Variants in MALT1 observed in about 807,000 individuals in gnomAD.
The protein encoded by MALT1 is mucosa-associated lymphoid tissue lymphoma translocation protein 1.
MALT1 carries 36 observed loss-of-function variants against 85.5 expected under a neutral mutation model. The observed-to-expected ratio is 0.42, with a 90% CI of 0.32 to 0.56. MALT1 has a LOEUF of 0.56. MALT1 is among the 20% of genes least tolerant of loss of function. The pLI is 0.10. For missense variants in MALT1, 716 were observed against 981.6 expected, an observed-to-expected ratio of 0.73 and a Z score of 3.62; for synonymous variants, 359 against 361.3, an observed-to-expected ratio of 0.99 and a Z score of 0.07.
rs968501048 is a variant in MALT1 at position 58,751,699 on chromosome 18, A to T, written c.*3857A>T. ...TAATCTATCAAATCTGTCAATACCA[A>T]TTAGAATGTAATAAAGAAATTAGGA... On this transcript the variant is annotated 3_prime_UTR_variant, in exon 17 of 17. Coordinates refer to ENST00000649217, the MANE Select transcript of MALT1 (RefSeq NM_006785.4). 6.6e-6 allele frequency: 1 copy of T among 152,242 alleles called. No individual in the cohort carries two copies. The highest frequency in any genetic ancestry group is 1.5e-5 in the Non-Finnish European group (1 of 68,042). The allele number at this position is 152,242 out of a possible 1,614,324, so 9.4% of individuals were successfully genotyped here.
intron 1 of MALT1, among the ~76,000 whole-genome samples, chr18:58,678,506 G>A (rs981504145): frequency 6.6e-6 from 1 of 152,018 alleles, no homozygotes; most frequent in Admixed American, 6.6e-5. Context: ...TGGGGTTTCT[G>A]TTTTCAAGGA....
chr18:58,703,271 C>T lies in MALT1; in HGVS notation c.649+2680C>T, dbSNP rs568065892. Among the ~76,000 whole-genome samples, 47 of 152,132 alleles carry T rather than the reference C, an allele frequency of 3.1e-4. No homozygotes were observed. The East Asian group carries it at 8.9e-3, about 29-fold the overall frequency. On this transcript the variant is annotated intron_variant, in intron 4 of 16. Coordinates refer to ENST00000649217, the MANE Select transcript of MALT1 (RefSeq NM_006785.4). ...ACTCAGGAGGCTGAGGCAGTAGAAT[C>T]GCTTGAACCCAGGGGGCGGAGGTTG...
intron 8 of MALT1, among the ~76,000 whole-genome samples, chr18:58,714,503 T>G (rs1602314523): frequency 6.6e-6 from 1 of 152,318 alleles, no homozygotes; most frequent in African/African-American, 2.4e-5. Context: ...GACCTTTTTC[T>G]TGGTGCCTCA....
chr18:58,709,581 T>C (rs761557477), intron 5 of MALT1, 25 bp downstream of exon 5: 35 of 1,563,616 alleles, frequency 2.2e-5, no homozygotes, highest in Non-Finnish European at 3.0e-5. Flanking sequence ...TTGGGGTCTT[T>C]TGGGGGAGTT....
intron 4 of MALT1, among the ~76,000 whole-genome samples, chr18:58,708,891 T>C: frequency 6.6e-6 from 1 of 152,236 alleles, no homozygotes; most frequent in East Asian, 1.9e-4. Flanking sequence ...GTCTAATATC[T>C]GCCTGGGGTA....
At chr18:58,717,493 G>A (rs1378440148) in intron 9 of MALT1, among the ~76,000 whole-genome samples, 1 of 152,174 alleles carries the variant, frequency 6.6e-6, no homozygotes, top group Non-Finnish European at 1.5e-5. Context: ...AAGTGAATGT[G>A]TATTGAGAGT....
Position 58,747,870 on chromosome 18 carries a change from T to A in MALT1, c.*28T>A, listed in dbSNP as rs2055392586. ...TCCTTGTTTTTGAAAGTTAGCATAA[T>A]TTTAGATGCCTGTGAAATAGTACTG... On this transcript the variant is annotated 3_prime_UTR_variant, in exon 17 of 17. Coordinates refer to ENST00000649217, the MANE Select transcript of MALT1 (RefSeq NM_006785.4). 6.4e-7 allele frequency: 1 copy of A among 1,569,814 alleles called. No individual in the cohort carries two copies. Among genetic ancestry groups the A allele is most frequent in the African/African-American group, 1.4e-5 (1 of 73,904 alleles).
chr18:58,712,388 A>AT (rs2054842621), intron 7 of MALT1, among the ~76,000 whole-genome samples: 1 of 152,212 alleles, frequency 6.6e-6, no homozygotes, highest in African/African-American at 2.4e-5. Flanking sequence ...AAGGAATGAA[A>AT]TGATGTCACT....
chr18:58,738,786 C>CT lies in MALT1; in HGVS notation c.1604-3077dup, dbSNP rs200949550. 2.7e-3 allele frequency among the ~76,000 whole-genome samples: 265 copies of CT among 97,764 alleles called. 5 individuals are homozygous for CT. In the East Asian group the frequency reaches 0.096, roughly 35 times the overall value. The allele number at this position is 97,764 out of a possible 152,430, so 64.1% of individuals were successfully genotyped here. On this transcript the variant is annotated intron_variant, in intron 13 of 16. Coordinates refer to ENST00000649217, the MANE Select transcript of MALT1 (RefSeq NM_006785.4). ...CATCTTTTTATGTCATTTGTGCATT[C>CT]TTCTGTGTGTGTGTGTGTGTGTGTG... is the stretch of plus-strand genomic sequence containing the variant.
chr18:58,678,383 T>C (rs2054271851), intron 1 of MALT1, among the ~76,000 whole-genome samples: 1 of 152,232 alleles, frequency 6.6e-6, no homozygotes, highest in African/African-American at 2.4e-5. Flanking sequence ...TGAAATTCAT[T>C]CAGTAATCAT....
intron 13 of MALT1, among the ~76,000 whole-genome samples, chr18:58,736,585 A>G (rs1602337378): frequency 6.6e-6 from 1 of 152,370 alleles, no homozygotes; most frequent in African/African-American, 2.4e-5. Context: ...AAAACTTAAT[A>G]AAAAGCACCA....
At chr18:58,701,068 C>A (rs1046413448) in intron 4 of MALT1, among the ~76,000 whole-genome samples, 5 of 152,160 alleles carry the variant, frequency 3.3e-5, no homozygotes, top group Admixed American at 2.0e-4. Flanking sequence ...GCTGGGATTA[C>A]AGGTGTGAGC....
intron 10 of MALT1, among the ~76,000 whole-genome samples, chr18:58,730,526 A>T (rs2055133577): frequency 6.7e-6 from 1 of 149,794 alleles, no homozygotes; most frequent in African/African-American, 2.5e-5. Context: ...ATATGATTAT[A>T]TTTTGTTTAT....
chr18:58,737,490 A>G lies in MALT1; in HGVS notation c.1603+2161A>G, dbSNP rs576752973. 3.0e-3 allele frequency among the ~76,000 whole-genome samples: 453 copies of G among 152,260 alleles called. 3 individuals are homozygous for G. Among genetic ancestry groups the G allele is most frequent in the Non-Finnish European group, 4.1e-3 (281 of 68,014 alleles). Reference sequence around the variant, plus strand: ...AGCAAGCCCCATCTCAAAAAAAAAAAAAAAGAAAATTCCAGAGGGAGAAAA... The same window carrying G: ...AGCAAGCCCCATCTCAAAAAAAAAAGAAAAGAAAATTCCAGAGGGAGAAAA... On this transcript the variant is annotated intron_variant, in intron 13 of 16. Transcript: ENST00000649217.
At chr18:58,696,618 T>C (rs558322216) in intron 3 of MALT1, 131 bp downstream of exon 3, 2 of 647,266 alleles carry the variant, frequency 3.1e-6, no homozygotes, top group African/African-American at 3.8e-5. Flanking sequence ...AGGTTATTAC[T>C]GAAGTAGTCA....
intron 16 of MALT1, among the ~76,000 whole-genome samples, chr18:58,746,039 CAG>C (rs1353171596): frequency 1.2e-4 from 19 of 152,016 alleles, no homozygotes; most frequent in Admixed American, 9.8e-4. Context: ...TTTTTAGAGA[CAG>C]AGTCTTAACT....
At position 58,700,335 on chromosome 18, in the gene MALT1, T is replaced by G. The variant is rs577919192; in HGVS notation, c.499-106T>G. 5 of 800,106 alleles carry G rather than the reference T, an allele frequency of 6.2e-6. No homozygotes were observed. The South Asian group carries it at 1.3e-4, about 20-fold the overall frequency. 49.6% of individuals were successfully genotyped at this position (800,106 alleles called of 1,614,324 possible). A position where few individuals can be genotyped will look rare whatever the true frequency, so the allele number is the denominator to read the frequency against. On this transcript the variant is annotated intron_variant, in intron 3 of 16. Coordinates refer to ENST00000649217, the MANE Select transcript of MALT1 (RefSeq NM_006785.4). ...AATGTTTTAGAACTTGGGGGAAAAATGTTGCACTTTCAAAGCTTCATACTG... is the reference window on the plus strand; with the variant it reads ...AATGTTTTAGAACTTGGGGGAAAAAGGTTGCACTTTCAAAGCTTCATACTG...
At chr18:58,738,788 TCTG>T (rs145670748) in intron 13 of MALT1, among the ~76,000 whole-genome samples, 19,750 of 120,640 alleles carry the variant, frequency 0.16, 2,330 homozygotes, top group African/African-American at 0.33. Flanking sequence ...TGTGCATTCT[TCTG>T]TGTGTGTGTG....
rs117643733 is a variant in MALT1 at position 58,725,744 on chromosome 18, A to G, written c.1222+2493A>G. On this transcript the variant is annotated intron_variant, in intron 10 of 16. Transcript: ENST00000649217. ...ATTGATATTTTCACCTTGGCTTTTA[A>G]GCCCTTTGTTTGACTTTTAAAACCA... Among the ~76,000 whole-genome samples the G allele has an allele frequency of 5.3e-3, 805 of 152,314 alleles. 6 individuals are homozygous for G. The highest frequency in any genetic ancestry group is 8.3e-3 in the Non-Finnish European group (565 of 68,020).
Sources: gnomAD v4.1 joint callset for allele counts (sites outside exome capture counted in the v4.1 genomes callset) on GRCh38, gnomAD v4.1.1 for gene constraint, MANE v1.5 for transcripts, NCBI Gene and HGNC (gene_info 2026-07-23, HGNC 2026-07-21) for gene names.